Variants in SRPK1 observed in about 807,000 individuals in gnomAD.
SRPK1 encodes the protein SRSF protein kinase 1.
In SRPK1, 52 loss-of-function variants were observed where a neutral mutation model predicts 89.5. The ratio of observed to expected loss-of-function variants is 0.58; its 90% CI spans 0.46 to 0.73. SRPK1 has a LOEUF of 0.73. SRPK1 is among the 30% of genes least tolerant of loss of function. The pLI is 0.00. For missense variants in SRPK1, 603 were observed against 780.6 expected, an observed-to-expected ratio of 0.77 and a Z score of 2.71; for synonymous variants, 255 against 270.2, an observed-to-expected ratio of 0.94 and a Z score of 0.55.
chr6:35,841,266 G>A (rs1262006260), intron 14 of SRPK1, among the ~76,000 whole-genome samples: 2 of 152,086 alleles, frequency 1.3e-5, no homozygotes, highest in Admixed American at 1.3e-4. Context: ...AGGCATTCAT[G>A]GGAATTACAT....
chr6:35,836,784 TAA>T (rs1491120318), intron 15 of SRPK1, among the ~76,000 whole-genome samples: 10 of 142,868 alleles, frequency 7.0e-5, no homozygotes, highest in Non-Finnish European at 1.4e-4. Context: ...ATAATAATAA[TAA>T]TTTTTTTTAA....
At chr6:35,896,354 TG>T (rs1554154944) in intron 2 of SRPK1, among the ~76,000 whole-genome samples, 1 of 152,208 alleles carries the variant, frequency 6.6e-6, no homozygotes, top group Non-Finnish European at 1.5e-5. Context: ...TGTTCATTGT[TG>T]TGGTGTGAGA....
At chr6:35,901,198 C>T (rs183628028) in intron 2 of SRPK1, among the ~76,000 whole-genome samples, 104 of 152,268 alleles carry the variant, frequency 6.8e-4, no homozygotes, top group African/African-American at 2.2e-3. Flanking sequence ...TAGAAAGATA[C>T]GTTGGAGTGC....
intron 2 of SRPK1, among the ~76,000 whole-genome samples, chr6:35,903,117 TAA>T (rs1158055870): frequency 1.4e-5 from 2 of 141,766 alleles, no homozygotes. Context: ...TGTCTCTATT[TAA>T]AAAAAAAAAA....
At chr6:35,838,274 T>G in intron 15 of SRPK1, 63 bp downstream of exon 15, 1 of 1,160,668 alleles carries the variant, frequency 8.6e-7, no homozygotes, top group Non-Finnish European at 1.2e-6. Context: ...TGGGAATATG[T>G]GCTTACCTCT....
Position 35,857,317 on chromosome 6 carries a change from C to A in SRPK1, c.1564G>T (p.Val522Phe). The A allele has an allele frequency of 6.2e-7, 1 of 1,613,330 alleles. No individual in the cohort carries two copies. Among genetic ancestry groups the A allele is most frequent in the Non-Finnish European group, 8.5e-7 (1 of 1,179,698 alleles). The change falls in exon 13 of 16, where the codon GTT (valine) becomes TTT (phenylalanine). Residue 522 changes from valine to phenylalanine, a missense_variant. Physicochemically the swap from Val to Phe is conservative, Grantham distance 50. Coordinates refer to ENST00000373825, the MANE Select transcript of SRPK1 (RefSeq NM_003137.5). Reference sequence around the variant, plus strand: ...GTATTATAGCCAGATCCGATTAGAACTTCCAAGGAACGATATTGCCTTGTT... The same window carrying A: ...GTATTATAGCCAGATCCGATTAGAAATTCCAAGGAACGATATTGCCTTGTT... ...IQTRQYRSLEVLIGSGYNTPA... is the reference protein window; with the variant it reads ...IQTRQYRSLEFLIGSGYNTPA...
chr6:35,874,091 T>A, intron 7 of SRPK1, 142 bp downstream of exon 7: 1 of 617,992 alleles, frequency 1.6e-6, no homozygotes, highest in Non-Finnish European at 2.8e-6. Flanking sequence ...CCTCCCAAAG[T>A]GCTGGGATTA....
chr6:35,869,567 A>G lies in SRPK1; in HGVS notation c.1326T>C (p.Ile442=), dbSNP rs995811456. The G allele has an allele frequency of 1.2e-6, 2 of 1,613,902 alleles. No individual in the cohort carries two copies. Among genetic ancestry groups the G allele is most frequent in the Non-Finnish European group, 1.7e-6 (2 of 1,179,874 alleles). ...TVGQSFSEQH[I]SQLQESIRAE... ...CCCGAATGCTTTCTTGAAGTTGGCT[A>G]ATGTGTTGTTCACTGAATGACTGAC... Residue 442 remains isoleucine (I), a synonymous_variant, in exon 11 of 16, where the codon ATT becomes ATC. Transcript: ENST00000373825.
chr6:35,883,935 G>A (rs1262047901), intron 6 of SRPK1, among the ~76,000 whole-genome samples: 2 of 151,892 alleles, frequency 1.3e-5, no homozygotes, highest in East Asian at 1.9e-4. Flanking sequence ...AGGTTTCACC[G>A]TGTTAGCCAA....
At chr6:35,853,764 C>T (rs1397684645) in intron 13 of SRPK1, among the ~76,000 whole-genome samples, 1 of 152,126 alleles carries the variant, frequency 6.6e-6, no homozygotes, top group Non-Finnish European at 1.5e-5. Flanking sequence ...AAAAGGAAGA[C>T]AACTGGGGAC....
chr6:35,889,934 TA>T (rs770236250), intron 3 of SRPK1, among the ~76,000 whole-genome samples: 1,301 of 128,388 alleles, frequency 0.01, 8 homozygotes, highest in African/African-American at 0.022. Context: ...CTGTGTCTAC[TA>T]AAAAAAAAAA....
chr6:35,909,284 G>A (rs1770911736), intron 2 of SRPK1, among the ~76,000 whole-genome samples: 1 of 152,252 alleles, frequency 6.6e-6, no homozygotes, highest in South Asian at 2.1e-4. Context: ...TTATTTTGGA[G>A]CTTTAAAATT....
intron 2 of SRPK1, among the ~76,000 whole-genome samples, chr6:35,910,476 A>C (rs1770936930): frequency 2.0e-5 from 3 of 152,252 alleles, no homozygotes; most frequent in African/African-American, 7.2e-5. Context: ...TACAGAAAGA[A>C]GCCATCCCCA....
Position 35,870,561 on chromosome 6 carries a change from T to C in SRPK1, c.778-67A>G, listed in dbSNP as rs907865324. The stretch of plus-strand genomic sequence containing the variant: ...ATTAATTACCCCCAGTTGGAGATAG[T>C]TGTTAACTTTAATTACTTCCTAATT... On this transcript the variant is annotated intron_variant, in intron 9 of 15. Coordinates refer to ENST00000373825, the MANE Select transcript of SRPK1 (RefSeq NM_003137.5). 5 of 1,387,254 alleles carry C rather than the reference T, an allele frequency of 3.6e-6. No individual in the cohort carries two copies. In the African/African-American group the frequency reaches 5.9e-5, roughly 16 times the overall value. The allele number at this position is 1,387,254 out of a possible 1,614,324, so 85.9% of individuals were successfully genotyped here. A position where few individuals can be genotyped will look rare whatever the true frequency, so the allele number is the denominator to read the frequency against.
chr6:35,889,445 C>T (rs2395642), intron 3 of SRPK1, among the ~76,000 whole-genome samples: 3,208 of 150,788 alleles, frequency 0.021, 256 homozygotes, highest in Admixed American at 0.14. Context: ...GTCAGGAGTT[C>T]GAGACCAGCC....
rs1770263877 is a variant in SRPK1 at position 35,880,746 on chromosome 6, A to AAAAAAAAAGAAAGAAAGAAAGAAAG, written c.478+5977_478+5978insCTTTCTTTCTTTCTTTCTTTTTTTT. 3.4e-5 allele frequency among the ~76,000 whole-genome samples: 3 copies of AAAAAAAAAGAAAGAAAGAAAGAAAG among 89,198 alleles called. 1 individual carries two copies. The highest frequency in any genetic ancestry group is 1.4e-4 in the African/African-American group (3 of 22,034). 58.5% of individuals were successfully genotyped at this position (89,198 alleles called of 152,430 possible). ...AAAAAAAAAAAAAAGAAAAAAAAAA[A>AAAAAAAAAGAAAGAAAGAAAGAAAG]AAAAGAAAAGAAAAGAAGAAGAAAT... is the stretch of plus-strand genomic sequence containing the variant. On this transcript the variant is annotated intron_variant, in intron 6 of 15. Transcript: ENST00000373825.
chr6:35,881,867 C>T (rs1416867842), intron 6 of SRPK1, among the ~76,000 whole-genome samples: 5 of 151,886 alleles, frequency 3.3e-5, no homozygotes, highest in African/African-American at 1.2e-4. Context: ...ATAAGCAAGG[C>T]AATAGAGGAC....
chr6:35,842,432 G>T, intron 14 of SRPK1, 103 bp downstream of exon 14: 1 of 717,862 alleles, frequency 1.4e-6, no homozygotes, highest in South Asian at 3.8e-5. Flanking sequence ...TACATGTTTT[G>T]CACACTAACA....
intron 2 of SRPK1, among the ~76,000 whole-genome samples, chr6:35,897,917 A>G (rs1317053662): frequency 6.6e-6 from 1 of 152,222 alleles, no homozygotes; most frequent in Non-Finnish European, 1.5e-5. Flanking sequence ...AGCTGCATAG[A>G]TCACCTGTAT....
Sources: gnomAD v4.1 joint callset for allele counts (sites outside exome capture counted in the v4.1 genomes callset) on GRCh38, gnomAD v4.1.1 for gene constraint, MANE v1.5 for transcripts, NCBI Gene and HGNC (gene_info 2026-07-23, HGNC 2026-07-21) for gene names.